Variants in CACNA2D3 observed in about 807,000 individuals in gnomAD.
The protein encoded by CACNA2D3 is calcium voltage-gated channel auxiliary subunit alpha2delta 3, also known as voltage-dependent calcium channel subunit alpha-2/delta-3.
A neutral mutation model predicts 160.6 loss-of-function variants in CACNA2D3; 60 were observed. The ratio of observed to expected loss-of-function variants is 0.37; its 90% CI spans 0.30 to 0.46. CACNA2D3 has a LOEUF of 0.46. Among genes scored for constraint, CACNA2D3 ranks in the 20% least tolerant of loss-of-function variants. The pLI, the probability that CACNA2D3 is intolerant of heterozygous loss-of-function variation, is 1.00. For missense variants in CACNA2D3, 1,205 were observed against 1,365.0 expected (o/e 0.88, Z 1.85); for synonymous variants, 558 against 492.9 (o/e 1.13, Z -1.75).
At chr3:54,909,664 T>TA (rs1282741365) in intron 27 of CACNA2D3, among the ~76,000 whole-genome samples, 1 of 145,068 alleles carries the variant, frequency 6.9e-6, no homozygotes, top group Non-Finnish European at 1.5e-5. Context: ...TTTTTTTTTT[T>TA]AGCTCATCAG....
At chr3:54,852,972 T>C (rs1699091153) in intron 17 of CACNA2D3, among the ~76,000 whole-genome samples, 1 of 152,200 alleles carries the variant, frequency 6.6e-6, no homozygotes, top group Admixed American at 6.5e-5. Flanking sequence ...TTCTTAACTA[T>C]GCAATTCCGC....
intron 2 of CACNA2D3, among the ~76,000 whole-genome samples, chr3:54,256,347 C>T (rs1702293101): frequency 6.6e-6 from 1 of 152,156 alleles, no homozygotes. Context: ...TATCCTACTG[C>T]TCAAGGTCAT....
chr3:54,887,854 G>T lies in CACNA2D3; in HGVS notation c.2057-105G>T, dbSNP rs202118694. On this transcript the variant is annotated intron_variant, in intron 23 of 37. Coordinates refer to ENST00000474759, the MANE Select transcript of CACNA2D3 (RefSeq NM_018398.3). ...AACTTAACTCATAAAGCAACATGCCGCATGAGAAAGTAGCCTGCAGATGCT... is the reference window on the plus strand; with the variant it reads ...AACTTAACTCATAAAGCAACATGCCTCATGAGAAAGTAGCCTGCAGATGCT... The T allele has an allele frequency of 8.6e-6, 7 of 817,298 alleles. No homozygotes were observed. The East Asian group carries it at 1.5e-4, about 17-fold the overall frequency. The allele number at this position is 817,298 out of a possible 1,614,324, so 50.6% of individuals were successfully genotyped here.
intron 13 of CACNA2D3, among the ~76,000 whole-genome samples, chr3:54,786,897 T>C (rs1702652599): frequency 6.6e-6 from 1 of 152,194 alleles, no homozygotes; most frequent in African/African-American, 2.4e-5. Context: ...GTTGTGTGAG[T>C]GAATGAGTCC....
chr3:54,202,529 A>G (rs1267052012), intron 2 of CACNA2D3, among the ~76,000 whole-genome samples: 2 of 152,182 alleles, frequency 1.3e-5, no homozygotes, highest in African/African-American at 2.4e-5. Flanking sequence ...CTGTTTTTTA[A>G]AATGTCATTT....
intron 9 of CACNA2D3, among the ~76,000 whole-genome samples, chr3:54,620,326 G>C (rs1005572176): frequency 1.3e-5 from 2 of 152,154 alleles, no homozygotes; most frequent in Admixed American, 6.5e-5. Flanking sequence ...TTTCCAGTGA[G>C]CTCGAGCTAC....
intron 2 of CACNA2D3, among the ~76,000 whole-genome samples, chr3:54,179,287 G>T (rs890808565): frequency 6.6e-6 from 1 of 152,196 alleles, no homozygotes; most frequent in African/African-American, 2.4e-5. Flanking sequence ...AGTTGCCTGT[G>T]GATTACTGAC....
chr3:54,907,248 C>G (rs776947167), intron 27 of CACNA2D3, among the ~76,000 whole-genome samples: 1 of 152,172 alleles, frequency 6.6e-6, no homozygotes, highest in Non-Finnish European at 1.5e-5. Flanking sequence ...GAGCACAGGC[C>G]ATCCCCTTCC....
chr3:54,731,847 C>A (rs1373621241), intron 11 of CACNA2D3, among the ~76,000 whole-genome samples: 1 of 151,956 alleles, frequency 6.6e-6, no homozygotes, highest in Non-Finnish European at 1.5e-5. Context: ...ACGAACACTT[C>A]AGAACAAGCA....
chr3:54,224,398 C>T (rs888504718), intron 2 of CACNA2D3, among the ~76,000 whole-genome samples: 21 of 152,066 alleles, frequency 1.4e-4, no homozygotes, highest in Admixed American at 4.6e-4. Flanking sequence ...ATGTACTGTA[C>T]GTAACTATAT....
chr3:54,759,489 A>G (rs1381203143), intron 12 of CACNA2D3, among the ~76,000 whole-genome samples: 1 of 152,142 alleles, frequency 6.6e-6, no homozygotes, highest in East Asian at 1.9e-4. Flanking sequence ...CCAAAAAAAA[A>G]AAAAAGGCTC....
intron 18 of CACNA2D3, among the ~76,000 whole-genome samples, chr3:54,873,832 C>T (rs2106826035): frequency 6.6e-6 from 1 of 152,306 alleles, no homozygotes; most frequent in Admixed American, 6.5e-5. Context: ...AAAACCCAAA[C>T]CACCATTTCT....
intron 34 of CACNA2D3, among the ~76,000 whole-genome samples, chr3:55,014,399 T>C (rs908870078): frequency 1.3e-5 from 2 of 152,178 alleles, no homozygotes; most frequent in African/African-American, 4.8e-5. Flanking sequence ...CCTACAGCTT[T>C]GTAAGATGTG....
intron 4 of CACNA2D3, among the ~76,000 whole-genome samples, chr3:54,394,142 C>T (rs896128519): frequency 5.3e-5 from 8 of 152,018 alleles, no homozygotes; most frequent in South Asian, 2.1e-4. Context: ...GGGCTCAAAT[C>T]GTCAGAGCAC....
intron 9 of CACNA2D3, 34 bp downstream of exon 9, chr3:54,581,911 G>A (rs746192453): frequency 1.9e-6 from 3 of 1,548,214 alleles, no homozygotes; most frequent in African/African-American, 2.7e-5. Flanking sequence ...TCCAGTCATG[G>A]TACACCCCTG....
chr3:54,969,976 A>AAT (rs1410704027), intron 29 of CACNA2D3, 132 bp downstream of exon 29: 9 of 615,618 alleles, frequency 1.5e-5, no homozygotes, highest in Non-Finnish European at 1.3e-5. Context: ...AAAAAAAAAA[A>AAT]AATCATTTGC....
chr3:54,763,900 G>C (rs983839123), intron 12 of CACNA2D3, among the ~76,000 whole-genome samples: 2 of 31,256 alleles, frequency 6.4e-5, no homozygotes, highest in Non-Finnish European at 6.9e-5. Flanking sequence ...TGTATGTGGG[G>C]GGGGGGGGTG....
chr3:54,270,049 T>C (rs539191961), intron 2 of CACNA2D3, among the ~76,000 whole-genome samples: 1 of 152,316 alleles, frequency 6.6e-6, no homozygotes, highest in African/African-American at 2.4e-5. Flanking sequence ...GGTTTGAGCA[T>C]GGAAAAAGCC....
intron 4 of CACNA2D3, among the ~76,000 whole-genome samples, chr3:54,477,543 C>T (rs1026531592): frequency 9.2e-5 from 14 of 152,118 alleles, no homozygotes; most frequent in African/African-American, 3.1e-4. Flanking sequence ...TTGCCATCTC[C>T]CTGGGCCCCC....
Sources: gnomAD v4.1 joint callset for allele counts (sites outside exome capture counted in the v4.1 genomes callset) on GRCh38, gnomAD v4.1.1 for gene constraint, MANE v1.5 for transcripts, NCBI Gene and HGNC (gene_info 2026-07-23, HGNC 2026-07-21) for gene names.